HMCN1: variants seen among roughly 807,000 people sequenced by gnomAD.
HMCN1 encodes the protein hemicentin-1.
In HMCN1, 321 loss-of-function variants were observed where a neutral mutation model predicts 625.9. The ratio of observed to expected loss-of-function variants is 0.51; its 90% CI spans 0.47 to 0.56. HMCN1 has a LOEUF of 0.56. Ranked by LOEUF, HMCN1 falls within the 20% of genes least tolerant of loss-of-function variation. HMCN1 has a pLI of 0.00. For synonymous variants in HMCN1, 2,425 were observed against 2,417.6 expected (o/e 1.00, Z -0.09); for missense variants, 6,588 against 6,887.3 (o/e 0.96, Z 1.54).
intron 1 of HMCN1, among the ~76,000 whole-genome samples, chr1:185,802,412 G>A (rs1443364696): frequency 1.3e-5 from 2 of 152,152 alleles, no homozygotes; most frequent in African/African-American, 4.8e-5. Context: ...ACCATGCGTA[G>A]TTTTTAACTG....
intron 16 of HMCN1, 197 bp downstream of exon 16, chr1:185,978,178 T>C: frequency 1.8e-6 from 1 of 540,918 alleles, no homozygotes; most frequent in Non-Finnish European, 3.3e-6. Context: ...TATTCAAATG[T>C]ATGTCATTAA....
At chr1:185,955,821 G>A (rs918132517) in intron 11 of HMCN1, among the ~76,000 whole-genome samples, 1 of 151,972 alleles carries the variant, frequency 6.6e-6, no homozygotes, top group Non-Finnish European at 1.5e-5. Flanking sequence ...CTTGACCCTA[G>A]CCCTTCTTTC....
At chr1:186,036,047 T>C (rs1449133110) in intron 36 of HMCN1, among the ~76,000 whole-genome samples, 5 of 152,218 alleles carry the variant, frequency 3.3e-5, no homozygotes, top group Admixed American at 3.3e-4. Context: ...ATTGTCATTA[T>C]AAAATATTAT....
intron 1 of HMCN1, among the ~76,000 whole-genome samples, chr1:185,754,337 A>G (rs1364749883): frequency 6.6e-6 from 1 of 152,214 alleles, no homozygotes; most frequent in Admixed American, 6.5e-5. Context: ...ATTTCTTAAA[A>G]AAAGTCTTCA....
chr1:185,770,971 A>G (rs1323458775), intron 1 of HMCN1, among the ~76,000 whole-genome samples: 3 of 152,120 alleles, frequency 2.0e-5, no homozygotes, highest in African/African-American at 7.2e-5. Flanking sequence ...TTTTGTCATT[A>G]CAGGTGAAAG....
rs373722211 is a variant in HMCN1 at position 185,963,820 on chromosome 1, G to T, written c.2023G>T (p.Asp675Tyr). Reference protein sequence around the residue: ...TLFIKNAAPKDAGIYGCLASN... With the variant: ...TLFIKNAAPKYAGIYGCLASN... ...ATTTATCAAAAATGCAGCTCCCAAA[G>T]ATGCAGGGATCTATGGTTGCCTAGC... The change falls in exon 13 of 107, where the codon GAT (aspartate) becomes TAT (tyrosine). Residue 675 changes from aspartate to tyrosine, a missense_variant. By Grantham distance (160) the Asp-to-Tyr change is radical. This residue lies in a region of HMCN1 where 4,628 missense variants were observed against 4,853.1 expected (regional missense o/e 0.95). Transcript: ENST00000271588. 6.2e-7 allele frequency: 1 copy of T among 1,610,734 alleles called. No homozygotes were observed. Among genetic ancestry groups the T allele is most frequent in the Non-Finnish European group, 8.5e-7 (1 of 1,177,354 alleles).
At chr1:186,123,331 A>G (rs935329356) in intron 81 of HMCN1, 111 bp downstream of exon 81, 85 of 1,301,454 alleles carry the variant, frequency 6.5e-5, no homozygotes, top group Non-Finnish European at 1.1e-6. Flanking sequence ...TCAGTAATCC[A>G]AAGTGTGTGT....
At position 186,189,729 on chromosome 1, in the gene HMCN1, C is replaced by G. The variant is rs538970775; in HGVS notation, c.16759C>G (p.Leu5587Val). 2.1e-5 allele frequency: 34 copies of G among 1,613,554 alleles called. No homozygotes were observed. In the East Asian group the frequency reaches 7.6e-4, roughly 36 times the overall value. Residue 5587 changes from leucine to valine, a missense_variant, in exon 107 of 107, where the codon CTG (leucine) becomes GTG (valine). Leu to Val is a conservative substitution (Grantham distance 32, BLOSUM62 1). Transcript: ENST00000271588. ...TVPFALRDEN[L>V]KGVVYTTRPL... is the part of the protein sequence containing the mutation. ...TCCTTTTGCCTTGAGGGATGAAAAC[C>G]TGAAAGGAGTGGTGTATACAACACG... is the stretch of plus-strand genomic sequence containing the variant.
At chr1:185,799,915 G>T (rs1658673747) in intron 1 of HMCN1, among the ~76,000 whole-genome samples, 1 of 152,166 alleles carries the variant, frequency 6.6e-6, no homozygotes, top group South Asian at 2.1e-4. Flanking sequence ...CTGCCACTGA[G>T]GTGGGTATCA....
intron 1 of HMCN1, among the ~76,000 whole-genome samples, chr1:185,761,564 T>G (rs1429125023): frequency 1.3e-5 from 2 of 152,192 alleles, no homozygotes. Context: ...GTTTATTAAT[T>G]TCACCATCAA....
At position 186,082,952 on chromosome 1, in the gene HMCN1, A is replaced by C. The variant is rs754635886; in HGVS notation, c.8875A>C (p.Asn2959His). 30 of 1,584,122 alleles carry C rather than the reference A, an allele frequency of 1.9e-5. No homozygotes were observed. The highest frequency in any genetic ancestry group is 2.6e-5 in the Non-Finnish European group (30 of 1,160,376). The change falls in exon 57 of 107, where the codon AAT (asparagine) becomes CAT (histidine). Residue 2959 changes from asparagine to histidine, a missense_variant. This residue lies in a region of HMCN1 where 4,628 missense variants were observed against 4,853.1 expected (regional missense o/e 0.95). Coordinates refer to ENST00000271588, the MANE Select transcript of HMCN1 (RefSeq NM_031935.3). Reference sequence around the variant, plus strand: ...GAGTGCCAAAAAATATTTTAACCTCAATGTTCATGGTAAGAGCTCAGTTCC... The same window carrying C: ...GAGTGCCAAAAAATATTTTAACCTCCATGTTCATGGTAAGAGCTCAGTTCC... ...AGSAKKYFNL[N>H]VHVPPSVIGP...
Position 186,095,471 on chromosome 1 carries a change from C to T in HMCN1, c.10523C>T (p.Ala3508Val). The T allele has an allele frequency of 6.2e-7, 1 of 1,613,606 alleles. No homozygotes were observed. Among genetic ancestry groups the T allele is most frequent in the Non-Finnish European group, 8.5e-7 (1 of 1,179,714 alleles). The change falls in exon 68 of 107, where the codon GCC (alanine) becomes GTC (valine). Residue 3508 changes from alanine to valine, a missense_variant. Physicochemically the swap from Ala to Val is moderately conservative, Grantham distance 64. Coordinates refer to ENST00000271588, the MANE Select transcript of HMCN1 (RefSeq NM_031935.3). ...TEDSGKYTCI[A>V]SNEAGEVSKH... ...GATTCGGGAAAGTACACCTGCATTG[C>T]CTCAAATGAAGCTGGAGAAGTCAGC... is the stretch of plus-strand genomic sequence containing the variant.
intron 62 of HMCN1, 119 bp downstream of exon 62, chr1:186,088,395 G>A: frequency 1.3e-6 from 2 of 1,494,548 alleles, no homozygotes; most frequent in Non-Finnish European, 1.8e-6. Context: ...AGTTCAAGAA[G>A]GCTAACGCAC....
At chr1:185,931,470 G>A (rs888012303) in intron 10 of HMCN1, among the ~76,000 whole-genome samples, 1 of 152,164 alleles carries the variant, frequency 6.6e-6, no homozygotes, top group African/African-American at 2.4e-5. Flanking sequence ...GAGGTATTTA[G>A]GCAGTGGTGG....
chr1:186,173,094 A>G (rs904282323), intron 102 of HMCN1, among the ~76,000 whole-genome samples: 4 of 152,222 alleles, frequency 2.6e-5, no homozygotes, highest in Admixed American at 2.0e-4. Context: ...CTAACCTTGG[A>G]CAAGTCTTAT....
At chr1:186,144,738 T>C in intron 91 of HMCN1, 35 bp downstream of exon 91, 1 of 1,604,522 alleles carries the variant, frequency 6.2e-7, no homozygotes, top group African/African-American at 1.3e-5. Context: ...ACATTATACT[T>C]TCATAAAGTT....
intron 1 of HMCN1, among the ~76,000 whole-genome samples, chr1:185,838,996 T>A (rs1337934351): frequency 6.6e-6 from 1 of 152,224 alleles, no homozygotes; most frequent in Non-Finnish European, 1.5e-5. Flanking sequence ...GCTTCATAAA[T>A]ATGGTTTTGT....
chr1:186,164,548 A>T (rs1329620833), intron 97 of HMCN1, among the ~76,000 whole-genome samples: 16 of 152,116 alleles, frequency 1.1e-4, no homozygotes, highest in Admixed American at 1.0e-3. Context: ...CGGCTAACTT[A>T]AATCTTTTCT....
rs180880860 is a variant in HMCN1 at position 185,743,055 on chromosome 1, A to G, written c.268+8008A>G. 2.4e-3 allele frequency among the ~76,000 whole-genome samples: 365 copies of G among 152,286 alleles called. 5 individuals are homozygous for G. Among genetic ancestry groups the G allele is most frequent in the African/African-American group, 8.5e-3 (353 of 41,564 alleles). ...AAATCAGAATTTGACATTGCTTATGATTTGTTTCTGATCAAACAGACAATA... is the reference window on the plus strand; with the variant it reads ...AAATCAGAATTTGACATTGCTTATGGTTTGTTTCTGATCAAACAGACAATA... On this transcript the variant is annotated intron_variant, in intron 1 of 106. Coordinates refer to ENST00000271588, the MANE Select transcript of HMCN1 (RefSeq NM_031935.3).
Sources: gnomAD v4.1 joint callset for allele counts (sites outside exome capture counted in the v4.1 genomes callset) on GRCh38, gnomAD v4.1.1 for gene constraint, gnomAD v4.1.1 regional missense constraint, MANE v1.5 for transcripts, NCBI Gene and HGNC (gene_info 2026-07-23, HGNC 2026-07-21) for gene names.